UXS1: variants seen among roughly 807,000 people sequenced by gnomAD.
UXS1 encodes the protein UDP-glucuronate decarboxylase 1.
A neutral mutation model predicts 62.6 loss-of-function variants in UXS1; 33 were observed. The ratio of observed to expected loss-of-function variants is 0.53; its 90% CI spans 0.40 to 0.70. UXS1 has a LOEUF of 0.70. Among genes scored for constraint, UXS1 ranks in the 30% least tolerant of loss-of-function variants. UXS1 has a pLI of 0.00. For missense variants in UXS1, 434 were observed against 556.3 expected, an observed-to-expected ratio of 0.78 and a Z score of 2.21; for synonymous variants, 213 against 206.8, an observed-to-expected ratio of 1.03 and a Z score of -0.26.
intron 1 of UXS1, among the ~76,000 whole-genome samples, chr2:106,191,136 T>C (rs1558766024): frequency 6.6e-6 from 1 of 152,008 alleles, no homozygotes; most frequent in Non-Finnish European, 1.5e-5. Flanking sequence ...AAGAGTTATG[T>C]GGTATCAAGG....
chr2:106,146,398 T>C (rs926807268), intron 5 of UXS1, among the ~76,000 whole-genome samples: 1 of 152,238 alleles, frequency 6.6e-6, no homozygotes, highest in Non-Finnish European at 1.5e-5. Flanking sequence ...TCTATGGTTT[T>C]AAAACATGTA....
rs576544943 is a variant in UXS1, at chr2:106,161,101, C to T, written c.230+2566G>A. Among the ~76,000 whole-genome samples the T allele has an allele frequency of 4.7e-4, 68 of 144,452 alleles. 2 individuals are homozygous for T. The South Asian group carries it at 0.014, about 30-fold the overall frequency. 94.8% of individuals were successfully genotyped at this position (144,452 alleles called of 152,430 possible). On this transcript the variant is annotated intron_variant, in intron 4 of 14. Coordinates refer to ENST00000283148, the MANE Select transcript of UXS1 (RefSeq NM_001253875.2). ...TAGAGTGCAGTGACCATGTGGGTGC[C>T]GTTGGCTGGGCCACATGCTGAGCCA... is the stretch of plus-strand genomic sequence containing the variant.
chr2:106,113,637 C>T (rs560075729), intron 9 of UXS1, among the ~76,000 whole-genome samples: 4 of 152,242 alleles, frequency 2.6e-5, no homozygotes, highest in Non-Finnish European at 4.4e-5. Context: ...GTTTTTATCA[C>T]AAACTCTGAA....
intron 13 of UXS1, chr2:106,097,478 G>GA (rs1456521455): frequency 1.2e-5 from 4 of 338,808 alleles, no homozygotes; most frequent in Non-Finnish European, 2.4e-5. Context: ...ACTCTGCAGC[G>GA]AATCACCACC....
intron 9 of UXS1, among the ~76,000 whole-genome samples, chr2:106,116,862 G>A (rs774660781): frequency 1.3e-5 from 2 of 152,148 alleles, no homozygotes; most frequent in African/African-American, 2.4e-5. Flanking sequence ...AGACACAAAC[G>A]TTCATGGACC....
intron 7 of UXS1, among the ~76,000 whole-genome samples, chr2:106,128,736 T>A (rs190851682): frequency 6.6e-5 from 10 of 152,268 alleles, no homozygotes; most frequent in African/African-American, 2.2e-4. Context: ...TCTCTACACA[T>A]CCTATTGGTT....
chr2:106,173,658 G>C (rs906577140), intron 1 of UXS1, among the ~76,000 whole-genome samples: 1 of 152,244 alleles, frequency 6.6e-6, no homozygotes, highest in Non-Finnish European at 1.5e-5. Context: ...TCTACCACTG[G>C]AGAGTGAACA....
intron 5 of UXS1, among the ~76,000 whole-genome samples, chr2:106,155,708 TTAA>T (rs574975423): frequency 1.1e-4 from 17 of 152,172 alleles, no homozygotes; most frequent in Non-Finnish European, 1.9e-4. Flanking sequence ...ACAAAAACAC[TTAA>T]TAATGCATTT....
chr2:106,122,819 A>G (rs1386965840), intron 9 of UXS1, 151 bp downstream of exon 9: 6 of 993,120 alleles, frequency 6.0e-6, no homozygotes, highest in Non-Finnish European at 8.5e-6. Flanking sequence ...TGTTGATAAT[A>G]CCATTAATTT....
intron 1 of UXS1, among the ~76,000 whole-genome samples, chr2:106,188,709 C>G (rs1465170261): frequency 6.6e-6 from 1 of 152,186 alleles, no homozygotes; most frequent in Non-Finnish European, 1.5e-5. Flanking sequence ...CAGAAGGCCC[C>G]AACAAGGAAA....
chr2:106,138,551 G>C (rs1158976964), intron 6 of UXS1: 1 of 985,498 alleles, frequency 1.0e-6, no homozygotes, highest in Non-Finnish European at 1.2e-6. Context: ...CCTCCACGGT[G>C]CTCTGGCCCA....
intron 1 of UXS1, among the ~76,000 whole-genome samples, chr2:106,167,903 T>C (rs1299949681): frequency 6.6e-6 from 1 of 152,186 alleles, no homozygotes; most frequent in East Asian, 1.9e-4. Flanking sequence ...GGCTCACACC[T>C]GTAATCCCAG....
chr2:106,151,282 A>C (rs1346940034), intron 5 of UXS1, among the ~76,000 whole-genome samples: 1 of 152,214 alleles, frequency 6.6e-6, no homozygotes, highest in African/African-American at 2.4e-5. Context: ...TAAATTCTAG[A>C]GACGGCAGCC....
At chr2:106,123,957 G>A (rs766805585) in intron 8 of UXS1, among the ~76,000 whole-genome samples, 2 of 152,214 alleles carry the variant, frequency 1.3e-5, no homozygotes, top group Non-Finnish European at 2.9e-5. Context: ...CAGGTGCAGG[G>A]AGGTAAACAG....
intron 5 of UXS1, among the ~76,000 whole-genome samples, chr2:106,148,838 G>A (rs1359240957): frequency 2.0e-5 from 3 of 152,114 alleles, no homozygotes; most frequent in African/African-American, 7.2e-5. Flanking sequence ...ACCCAAAAGA[G>A]AACAGGAGAA....
chr2:106,100,388 G>C (rs1422244888), intron 12 of UXS1, among the ~76,000 whole-genome samples: 6 of 152,190 alleles, frequency 3.9e-5, no homozygotes, highest in Admixed American at 3.9e-4. Context: ...CACTGTAGAG[G>C]CATCACACTA....
At chr2:106,140,561 C>T (rs942535157) in intron 6 of UXS1, among the ~76,000 whole-genome samples, 2 of 150,904 alleles carry the variant, frequency 1.3e-5, no homozygotes, top group African/African-American at 4.9e-5. Context: ...TCTTCCCTCT[C>T]CTGGTGCCCC....
At chr2:106,179,091 C>A (rs571772404) in intron 1 of UXS1, among the ~76,000 whole-genome samples, 1 of 152,260 alleles carries the variant, frequency 6.6e-6, no homozygotes, top group South Asian at 2.1e-4. Flanking sequence ...TCTCCTCCTC[C>A]TGAGGGTGCC....
intron 7 of UXS1, among the ~76,000 whole-genome samples, 172 bp downstream of exon 7, chr2:106,129,502 T>TA (rs1247017503): frequency 6.6e-6 from 1 of 152,114 alleles, no homozygotes; most frequent in Non-Finnish European, 1.5e-5. Flanking sequence ...TGATGACAAA[T>TA]AAAAGTCACA....
Sources: gnomAD v4.1 joint callset for allele counts (sites outside exome capture counted in the v4.1 genomes callset) on GRCh38, gnomAD v4.1.1 for gene constraint, MANE v1.5 for transcripts, NCBI Gene and HGNC (gene_info 2026-07-23, HGNC 2026-07-21) for gene names.